The following OPCML variants were observed in gnomAD, a reference collection of about 807,000 sequenced individuals.
OPCML encodes the protein opioid-binding protein/cell adhesion molecule.
In OPCML, 13 loss-of-function variants were observed where a neutral mutation model predicts 37.8. The ratio of observed to expected loss-of-function variants is 0.34; its 90% CI spans 0.22 to 0.55. The LOEUF (loss-of-function observed/expected upper bound fraction) is 0.55, where lower values mean the gene tolerates loss of function less well. Ranked by LOEUF, OPCML falls within the 20% of genes least tolerant of loss-of-function variation. The pLI is 0.91. For synonymous variants in OPCML, 176 were observed against 168.8 expected (o/e 1.04, Z -0.33); for missense variants, 341 against 435.6 (o/e 0.78, Z 1.93).
chr11:133,467,383 C>T (rs935934169), intron 1 of OPCML, among the ~76,000 whole-genome samples: 1 of 152,150 alleles, frequency 6.6e-6, no homozygotes, highest in African/African-American at 2.4e-5. Flanking sequence ...ATTCTCAGTC[C>T]TCTGAGCATG....
intron 2 of OPCML, among the ~76,000 whole-genome samples, chr11:132,898,636 C>T (rs141776209): frequency 4.3e-4 from 65 of 152,192 alleles, no homozygotes; most frequent in African/African-American, 1.5e-3. Context: ...CCTGTTTTTC[C>T]CATAGTCAGG....
Position 132,649,135 on chromosome 11 carries a change from C to T in OPCML, c.379+7952G>A, listed in dbSNP as rs770487553. Among the ~76,000 whole-genome samples the T allele has an allele frequency of 2.6e-5, 4 of 152,022 alleles. 1 individual carries two copies. Among genetic ancestry groups the T allele is most frequent in the East Asian group, 1.9e-4 (1 of 5,160 alleles). On this transcript the variant is annotated intron_variant, in intron 3 of 7. Coordinates refer to ENST00000524381, the MANE Select transcript of OPCML (RefSeq NM_001012393.5). Reference sequence around the variant, plus strand: ...GTAAGAGTGTGTGTATGTGTGAGTGCGTGAGTATGTCTGTGAGTGTGTGTA... The same window carrying T: ...GTAAGAGTGTGTGTATGTGTGAGTGTGTGAGTATGTCTGTGAGTGTGTGTA...
At chr11:133,140,570 G>GAAGAAGAAGA (rs1565467427) in intron 1 of OPCML, among the ~76,000 whole-genome samples, 2 of 139,258 alleles carry the variant, frequency 1.4e-5, no homozygotes, top group Non-Finnish European at 3.0e-5. Context: ...AGAAGAAGAA[G>GAAGAAGAAGA]AAGAAGAAAG....
intron 1 of OPCML, among the ~76,000 whole-genome samples, chr11:133,447,295 C>T (rs1040132442): frequency 2.6e-5 from 4 of 152,160 alleles, no homozygotes; most frequent in Non-Finnish European, 5.9e-5. Context: ...AGCATCTTTA[C>T]ATGTGCTTCT....
chr11:133,092,165 G>A (rs1218826418), intron 1 of OPCML, among the ~76,000 whole-genome samples: 1 of 152,150 alleles, frequency 6.6e-6, no homozygotes, highest in Non-Finnish European at 1.5e-5. Context: ...AGGCAACGGG[G>A]CACTACATTG....
intron 7 of OPCML, among the ~76,000 whole-genome samples, chr11:132,431,334 T>A (rs1439954330): frequency 1.3e-5 from 2 of 152,238 alleles, no homozygotes; most frequent in East Asian, 3.9e-4. Context: ...ACAGACAGCA[T>A]CACAGTTTGT....
intron 1 of OPCML, among the ~76,000 whole-genome samples, chr11:133,490,362 T>G (rs921025512): frequency 6.6e-6 from 1 of 152,232 alleles, no homozygotes; most frequent in Admixed American, 6.5e-5. Context: ...GTATTTTACA[T>G]GCAGATATAC....
intron 2 of OPCML, among the ~76,000 whole-genome samples, chr11:132,793,346 C>T (rs1938067889): frequency 6.6e-6 from 1 of 152,302 alleles, no homozygotes; most frequent in African/African-American, 2.4e-5. Context: ...TTAATTCCAA[C>T]TCGTAGTCTT....
chr11:132,652,017 C>T (rs368225542), intron 3 of OPCML, among the ~76,000 whole-genome samples: 27 of 152,228 alleles, frequency 1.8e-4, no homozygotes, highest in South Asian at 1.5e-3. Context: ...CAACAAACAA[C>T]GACAATGACA....
intron 1 of OPCML, among the ~76,000 whole-genome samples, chr11:133,386,696 C>T (rs1233439822): frequency 8.5e-5 from 13 of 152,258 alleles, no homozygotes; most frequent in South Asian, 2.1e-4. Context: ...TCAGGAAAAG[C>T]GCTAAGCAAA....
intron 1 of OPCML, among the ~76,000 whole-genome samples, chr11:133,106,846 G>A (rs150267243): frequency 3.3e-5 from 5 of 152,082 alleles, no homozygotes; most frequent in Non-Finnish European, 7.4e-5. Context: ...CATTCCCCTC[G>A]CCTTGTACCA....
At chr11:133,058,688 C>T (rs963245193) in intron 1 of OPCML, among the ~76,000 whole-genome samples, 5 of 152,238 alleles carry the variant, frequency 3.3e-5, no homozygotes, top group African/African-American at 1.2e-4. Context: ...CCTGGGTTTT[C>T]GCTTCTCCTC....
At chr11:133,024,871 G>C (rs1947521188) in intron 1 of OPCML, 5 of 985,290 alleles carry the variant, frequency 5.1e-6, no homozygotes, top group Non-Finnish European at 6.0e-6. Context: ...TTCTATGCCA[G>C]TGATTTTCCA....
intron 1 of OPCML, among the ~76,000 whole-genome samples, chr11:133,494,722 G>T (rs1395257467): frequency 8.2e-6 from 1 of 121,656 alleles, no homozygotes. Flanking sequence ...GGACTGTTGT[G>T]GGGCGGGGGG....
At chr11:132,543,828 C>A (rs1199968707) in intron 3 of OPCML, among the ~76,000 whole-genome samples, 3 of 152,082 alleles carry the variant, frequency 2.0e-5, no homozygotes, top group African/African-American at 7.2e-5. Context: ...TCTTGGATTT[C>A]TAAGCATGAA....
At chr11:132,454,620 G>A (rs894125631) in intron 4 of OPCML, among the ~76,000 whole-genome samples, 21 of 152,316 alleles carry the variant, frequency 1.4e-4, no homozygotes, top group African/African-American at 5.1e-4. Context: ...AGGGCCTTCG[G>A]GAACATGGCA....
At chr11:132,840,567 G>GA (rs1405668617) in intron 2 of OPCML, among the ~76,000 whole-genome samples, 1 of 152,106 alleles carries the variant, frequency 6.6e-6, no homozygotes, top group Non-Finnish European at 1.5e-5. Flanking sequence ...TGATAATGGG[G>GA]GCACATGGGG....
intron 1 of OPCML, among the ~76,000 whole-genome samples, chr11:133,152,482 C>A (rs140235692): frequency 6.6e-6 from 1 of 152,190 alleles, no homozygotes; most frequent in Non-Finnish European, 1.5e-5. Flanking sequence ...TGTCTAATTG[C>A]CGGCCTCTTT....
intron 1 of OPCML, among the ~76,000 whole-genome samples, chr11:133,040,893 T>A (rs1468799183): frequency 6.6e-6 from 1 of 152,152 alleles, no homozygotes; most frequent in Non-Finnish European, 1.5e-5. Flanking sequence ...CAACGATACC[T>A]GTAGATTTCA....
Sources: gnomAD v4.1 joint callset for allele counts (sites outside exome capture counted in the v4.1 genomes callset) on GRCh38, gnomAD v4.1.1 for gene constraint, MANE v1.5 for transcripts, NCBI Gene and HGNC (gene_info 2026-07-23, HGNC 2026-07-21) for gene names.